Variants in FTO observed in about 807,000 individuals in gnomAD.
The protein encoded by FTO is alpha-ketoglutarate-dependent dioxygenase FTO.
In FTO, 47 loss-of-function variants were observed where a neutral mutation model predicts 63.9. The ratio of observed to expected loss-of-function variants is 0.74; its 90% CI spans 0.58 to 0.94. The LOEUF is 0.94. FTO is among the 40% of genes least tolerant of loss of function. The probability of loss-of-function intolerance (pLI) is 0.00; values close to 1 mark genes in which losing one functional copy is unlikely to be tolerated. For missense variants in FTO, 562 were observed against 618.1 expected (o/e 0.91, Z 0.96); for synonymous variants, 207 against 224.4 (o/e 0.92, Z 0.69).
At chr16:53,775,319 C>G (rs902936626) in intron 1 of FTO, among the ~76,000 whole-genome samples, 2 of 152,126 alleles carry the variant, frequency 1.3e-5, no homozygotes, top group Non-Finnish European at 2.9e-5. Context: ...TTCCTAGTCA[C>G]GTGTCTTGGT....
At chr16:53,738,637 A>G (rs1473575658) in intron 1 of FTO, among the ~76,000 whole-genome samples, 1 of 152,052 alleles carries the variant, frequency 6.6e-6, no homozygotes, top group African/African-American at 2.4e-5. Flanking sequence ...GTCATATGGT[A>G]AGTCTATGTT....
intron 8 of FTO, among the ~76,000 whole-genome samples, chr16:54,028,785 A>AGT (rs2084771069): frequency 6.6e-6 from 1 of 152,174 alleles, no homozygotes; most frequent in Non-Finnish European, 1.5e-5. Flanking sequence ...CATATTATGT[A>AGT]GTACTCATTA....
At chr16:54,017,064 A>G (rs1293428796) in intron 8 of FTO, among the ~76,000 whole-genome samples, 1 of 152,230 alleles carries the variant, frequency 6.6e-6, no homozygotes. Flanking sequence ...TGATGCAGTA[A>G]ATCATGAGTG....
intron 8 of FTO, among the ~76,000 whole-genome samples, chr16:54,111,526 C>G (rs1374628158): frequency 6.6e-6 from 1 of 152,152 alleles, no homozygotes; most frequent in Admixed American, 6.6e-5. Flanking sequence ...TACGAAGCCA[C>G]CTGAGATAAT....
In FTO at chr16:54,112,238, C is replaced by T. The variant is rs1298298580; in HGVS notation, c.*323C>T. 5.3e-6 allele frequency: 2 copies of T among 376,056 alleles called. No homozygotes were observed. The highest frequency in any genetic ancestry group is 1.0e-5 in the Non-Finnish European group (2 of 197,398). The allele number at this position is 376,056 out of a possible 1,614,324, so 23.3% of individuals were successfully genotyped here. ...CGTGTGACAAAGCCTAACCTACTTT[C>T]CTCTTTCCCAAGCTTTTTCAGAGAC... On this transcript the variant is annotated 3_prime_UTR_variant, in exon 9 of 9. Transcript: ENST00000471389.
chr16:53,940,413 G>A (rs1460997957), intron 8 of FTO, among the ~76,000 whole-genome samples: 2 of 152,164 alleles, frequency 1.3e-5, no homozygotes, highest in Non-Finnish European at 2.9e-5. Flanking sequence ...TCATTAAATT[G>A]CAGCAGTGCA....
intron 1 of FTO, among the ~76,000 whole-genome samples, chr16:53,720,643 A>AT (rs2076017116): frequency 6.8e-6 from 1 of 146,834 alleles, no homozygotes; most frequent in African/African-American, 2.5e-5. Context: ...ATATATATAA[A>AT]ATATATATAT....
intron 7 of FTO, among the ~76,000 whole-genome samples, chr16:53,921,960 A>C (rs750884174): frequency 1.3e-5 from 2 of 152,218 alleles, no homozygotes; most frequent in Non-Finnish European, 2.9e-5. Flanking sequence ...AAGAATTAGC[A>C]TGCTAAGTAC....
chr16:54,015,916 T>C (rs1312522862), intron 8 of FTO, among the ~76,000 whole-genome samples: 6 of 152,170 alleles, frequency 3.9e-5, no homozygotes, highest in Non-Finnish European at 7.3e-5. Flanking sequence ...TATCCTGCCT[T>C]CCACAGATCA....
At chr16:53,983,153 T>C (rs778327643) in intron 8 of FTO, among the ~76,000 whole-genome samples, 2 of 152,128 alleles carry the variant, frequency 1.3e-5, no homozygotes, top group Non-Finnish European at 2.9e-5. Context: ...TTATAAAAAA[T>C]ATATCATGAA....
intron 1 of FTO, among the ~76,000 whole-genome samples, chr16:53,789,200 A>T (rs560899450): frequency 1.3e-5 from 2 of 152,308 alleles, no homozygotes; most frequent in South Asian, 4.1e-4. Flanking sequence ...CTAATATAAT[A>T]ACAGAGCTCT....
intron 1 of FTO, among the ~76,000 whole-genome samples, chr16:53,801,949 G>A (rs910925602): frequency 4.6e-5 from 7 of 151,860 alleles, no homozygotes; most frequent in South Asian, 2.1e-4. Flanking sequence ...TAGTATAGAC[G>A]AGGTTTCGCC....
intron 8 of FTO, among the ~76,000 whole-genome samples, chr16:53,942,410 C>T (rs892373461): frequency 2.0e-5 from 3 of 152,196 alleles, no homozygotes; most frequent in African/African-American, 7.2e-5. Flanking sequence ...CCTCCCTGAG[C>T]CACCATTCCT....
intron 1 of FTO, among the ~76,000 whole-genome samples, chr16:53,759,013 G>C (rs1400772827): frequency 1.3e-5 from 2 of 152,170 alleles, no homozygotes; most frequent in Non-Finnish European, 2.9e-5. Context: ...AAAAAGGATA[G>C]AGTCGTGTGG....
chr16:54,031,214 G>A (rs2144214853), intron 8 of FTO, among the ~76,000 whole-genome samples: 1 of 152,236 alleles, frequency 6.6e-6, no homozygotes, highest in South Asian at 2.1e-4. Flanking sequence ...AGATCTTAGG[G>A]AAAAAATGGA....
intron 7 of FTO, among the ~76,000 whole-genome samples, chr16:53,917,538 ATTG>A (rs2081900198): frequency 6.6e-6 from 1 of 152,040 alleles, no homozygotes; most frequent in South Asian, 2.1e-4. Flanking sequence ...AGTAATAGTT[ATTG>A]TTATGTTTTT....
intron 8 of FTO, among the ~76,000 whole-genome samples, chr16:54,097,742 A>T (rs1421332404): frequency 6.6e-6 from 1 of 152,230 alleles, no homozygotes; most frequent in Non-Finnish European, 1.5e-5. Context: ...GTGCACACAC[A>T]GACACACACA....
At position 53,911,203 on chromosome 16, in the gene FTO, G is replaced by T. The variant is rs773340395; in HGVS notation, c.1239+22252G>T. 3 of 581,496 alleles carry T rather than the reference G, an allele frequency of 5.2e-6. No individual in the cohort carries two copies. The East Asian group carries it at 8.4e-5, about 16-fold the overall frequency. The allele number at this position is 581,496 out of a possible 1,614,324, so 36.0% of individuals were successfully genotyped here. A position where few individuals can be genotyped will look rare whatever the true frequency, so the allele number is the denominator to read the frequency against. The stretch of plus-strand genomic sequence containing the variant: ...CTTGAAAGCACTTAGCACATGGCAG[G>T]CATCTCCACAGAGACAGTGGCTGAG... On this transcript the variant is annotated intron_variant, in intron 7 of 8. Transcript: ENST00000471389.
At chr16:53,717,957 A>G (rs1350425019) in intron 1 of FTO, among the ~76,000 whole-genome samples, 3 of 152,122 alleles carry the variant, frequency 2.0e-5, no homozygotes, top group African/African-American at 7.2e-5. Flanking sequence ...CTTTACTTTC[A>G]AAAATTCTGT....
Sources: gnomAD v4.1 joint callset for allele counts (sites outside exome capture counted in the v4.1 genomes callset) on GRCh38, gnomAD v4.1.1 for gene constraint, MANE v1.5 for transcripts, NCBI Gene and HGNC (gene_info 2026-07-23, HGNC 2026-07-21) for gene names.